Variants in AHCTF1 observed in about 807,000 individuals in gnomAD.
AHCTF1 encodes the protein AT-hook containing transcription factor 1, also known as protein ELYS.
A neutral mutation model predicts 248.4 loss-of-function variants in AHCTF1; 24 were observed. The observed-to-expected ratio is 0.10, with a 90% CI of 0.07 to 0.14. The LOEUF is 0.14. Ranked by LOEUF, AHCTF1 falls within the 10% of genes least tolerant of loss-of-function variation. The pLI, the probability that AHCTF1 is intolerant of heterozygous loss-of-function variation, is 1.00. For missense variants in AHCTF1, 2,206 were observed against 2,636.2 expected, an observed-to-expected ratio of 0.84 and a Z score of 3.57; for synonymous variants, 786 against 929.8, an observed-to-expected ratio of 0.85 and a Z score of 2.81.
chr1:246,877,178 G>T lies in AHCTF1; in HGVS notation c.2785C>A (p.Pro929Thr), dbSNP rs147399261. Residue 929 changes from proline (P) to threonine (T), a missense_variant, in exon 22 of 36, where the codon CCA (proline) becomes ACA (threonine). By Grantham distance (38) the Pro-to-Thr change is conservative (BLOSUM62 -1). This residue lies in a region of AHCTF1 where 955 missense variants were observed against 1,055.6 expected (regional missense o/e 0.90). Transcript: ENST00000648844. ...ATTACCTGCTCAGTGTCTGTAAATG[G>T]TAACTTCAGTAAATCTTCCATCAAG... ...MGLMEDLLKL[P>T]FTDTEQECLV... is the part of the protein sequence containing the mutation. 3 of 1,612,720 alleles carry T rather than the reference G, an allele frequency of 1.9e-6. No homozygotes were observed. Among genetic ancestry groups the T allele is most frequent in the Non-Finnish European group, 2.5e-6 (3 of 1,179,782 alleles).
chr1:246,904,100 T>C, intron 6 of AHCTF1, 67 bp from the exon 7 acceptor site: 1 of 1,386,342 alleles, frequency 7.2e-7, no homozygotes, highest in Non-Finnish European at 1.0e-6. Context: ...ACTGTCCAAG[T>C]AAGTTTAGTT....
In AHCTF1 at chr1:246,890,911, T is replaced by G. The variant is rs762154451; in HGVS notation, c.2050+45A>C. On this transcript the variant is annotated intron_variant, in intron 16 of 35. Transcript: ENST00000648844. ...AATACAATAACAAAATTATAAAGAT[T>G]CAGAATGTTTTAATTAATACTTATA... 5.8e-6 allele frequency: 7 copies of G among 1,213,930 alleles called. No individual in the cohort carries two copies. In the African/African-American group the frequency reaches 1.1e-4, roughly 19 times the overall value. 75.2% of individuals were successfully genotyped at this position (1,213,930 alleles called of 1,614,324 possible). A position where few individuals can be genotyped will look rare whatever the true frequency, so the allele number is the denominator to read the frequency against.
chr1:246,924,378 A>G (rs1373671651), intron 1 of AHCTF1, among the ~76,000 whole-genome samples: 1 of 152,160 alleles, frequency 6.6e-6, no homozygotes, highest in African/African-American at 2.4e-5. Flanking sequence ...TTCACAAAAC[A>G]TTAGTGCCGT....
At chr1:246,878,906 C>T (rs74152756) in intron 21 of AHCTF1, among the ~76,000 whole-genome samples, 93 of 152,258 alleles carry the variant, frequency 6.1e-4, no homozygotes, top group African/African-American at 2.1e-3. Flanking sequence ...TCTTACTAGA[C>T]GGTGGAATCA....
intron 21 of AHCTF1, 148 bp downstream of exon 21, chr1:246,885,345 C>CA: frequency 1.6e-6 from 1 of 608,864 alleles, no homozygotes; most frequent in Non-Finnish European, 2.7e-6. Flanking sequence ...ACTGTATTTT[C>CA]AATCTGAATT....
intron 1 of AHCTF1, among the ~76,000 whole-genome samples, chr1:246,926,990 A>G (rs181522177): frequency 6.6e-6 from 1 of 150,442 alleles, no homozygotes. Flanking sequence ...CTGGCTAACA[A>G]GGTGAAATCC....
chr1:246,905,446 G>A (rs527678940), intron 6 of AHCTF1, 95 bp downstream of exon 6: 33 of 983,018 alleles, frequency 3.4e-5, no homozygotes, highest in Middle Eastern at 3.3e-4. Flanking sequence ...GCAGTGAGCC[G>A]AAATCACGCC....
intron 32 of AHCTF1, among the ~76,000 whole-genome samples, chr1:246,852,863 C>T (rs1023221882): frequency 6.6e-6 from 1 of 151,900 alleles, no homozygotes; most frequent in African/African-American, 2.4e-5. Flanking sequence ...GTAGCTGGGA[C>T]TATGGGCACC....
At chr1:246,844,190 A>G (rs1660080644) in intron 33 of AHCTF1, among the ~76,000 whole-genome samples, 1 of 152,184 alleles carries the variant, frequency 6.6e-6, no homozygotes, top group Admixed American at 6.5e-5. Context: ...AGGCCATGAA[A>G]GCAGGTACAG....
intron 26 of AHCTF1, among the ~76,000 whole-genome samples, chr1:246,866,624 T>G (rs1427026504): frequency 6.6e-6 from 1 of 152,138 alleles, no homozygotes; most frequent in Non-Finnish European, 1.5e-5. Flanking sequence ...CTTTAAACAA[T>G]GTAATTTTGT....
intron 14 of AHCTF1, among the ~76,000 whole-genome samples, chr1:246,892,465 C>A (rs1008261608): frequency 6.6e-6 from 1 of 151,776 alleles, no homozygotes; most frequent in Non-Finnish European, 1.5e-5. Context: ...GGATTACAGG[C>A]ATGTGCCACA....
chr1:246,886,684 G>A (rs1558248415), intron 20 of AHCTF1, among the ~76,000 whole-genome samples: 1 of 152,110 alleles, frequency 6.6e-6, no homozygotes, highest in Non-Finnish European at 1.5e-5. Context: ...AAGAGGATGT[G>A]CATAGGGTAT....
rs1558263192 is a variant in AHCTF1 at position 246,902,557 on chromosome 1, G to A, written c.1085C>T (p.Ser362Phe). 1 of 1,611,498 alleles carries A rather than the reference G, an allele frequency of 6.2e-7. No individual in the cohort carries two copies. The highest frequency in any genetic ancestry group is 2.2e-5 in the East Asian group (1 of 44,850). The change falls in exon 8 of 36, where the codon TCT (serine) becomes TTT (phenylalanine). Residue 362 changes from serine to phenylalanine, a missense_variant. Ser to Phe is a radical substitution (Grantham distance 155). Coordinates refer to ENST00000648844, the MANE Select transcript of AHCTF1 (RefSeq NM_001323342.2). Reference protein sequence around the residue: ...LGCQSIEKFRSHGDREEGVNE... With the variant: ...LGCQSIEKFRFHGDREEGVNE... ...CACGCCTTCCTCCCTGTCACCATGA[G>A]ATCGAAATTTCTCTATACTCTGGCA...
rs1448955129 is a variant in AHCTF1 at position 246,854,054 on chromosome 1, C to CT, written c.4355-756dup. Among the ~76,000 whole-genome samples, 4 of 152,208 alleles carry CT rather than the reference C, an allele frequency of 2.6e-5. No homozygotes were observed. In the South Asian group the frequency reaches 6.2e-4, roughly 24 times the overall value. On this transcript the variant is annotated intron_variant, in intron 31 of 35. Coordinates refer to ENST00000648844, the MANE Select transcript of AHCTF1 (RefSeq NM_001323342.2). ...GTGGCTCACGCCTGTAATCCTAGCACTTTGGGAGGCCAAGGCAGGTGGATC... is the reference window on the plus strand; with the variant it reads ...GTGGCTCACGCCTGTAATCCTAGCACTTTTGGGAGGCCAAGGCAGGTGGATC...
Position 246,928,337 on chromosome 1 carries a change from C to T in AHCTF1, c.-8+3241G>A, listed in dbSNP as rs537683208. Among the ~76,000 whole-genome samples the T allele has an allele frequency of 5.8e-4, 88 of 151,612 alleles. 1 individual carries two copies. In the South Asian group the frequency reaches 7.5e-3, roughly 13 times the overall value. ...AAAAAAAAAAAATTACTTCTGCTTG[C>T]CTGTCTTCTCCACTACACTATGAAT... On this transcript the variant is annotated intron_variant, in intron 1 of 35. Transcript: ENST00000648844.
chr1:246,892,334 A>G (rs1454338911), intron 14 of AHCTF1, among the ~76,000 whole-genome samples: 9 of 69,744 alleles, frequency 1.3e-4, no homozygotes, highest in South Asian at 4.5e-4. Context: ...TTTTTTTTGG[A>G]GACAGCATCT....
At chr1:246,927,554 G>A (rs1337919351) in intron 1 of AHCTF1, among the ~76,000 whole-genome samples, 1 of 152,202 alleles carries the variant, frequency 6.6e-6, no homozygotes, top group African/African-American at 2.4e-5. Flanking sequence ...AAACACACAT[G>A]AAACACCTAC....
At chr1:246,931,365 G>A (rs934712230) in intron 1 of AHCTF1, 3 of 1,522,692 alleles carry the variant, frequency 2.0e-6, no homozygotes, top group African/African-American at 1.4e-5. Flanking sequence ...ATGTAACGAA[G>A]CCCGGCGCCC....
intron 14 of AHCTF1, among the ~76,000 whole-genome samples, chr1:246,892,871 C>G (rs919046650): frequency 6.6e-6 from 1 of 152,044 alleles, no homozygotes; most frequent in African/African-American, 2.4e-5. Context: ...GTCTTGAACT[C>G]CTGGCCTCAA....
Sources: allele counts gnomAD v4.1 joint callset (sites outside exome capture counted in the v4.1 genomes callset), GRCh38; gene constraint gnomAD v4.1.1; regional missense constraint gnomAD v4.1.1; transcripts MANE v1.5; gene names NCBI Gene and HGNC (gene_info 2026-07-23, HGNC 2026-07-21).